ACSM4: variants seen among roughly 807,000 people sequenced by gnomAD.
ACSM4 encodes acyl-coenzyme A synthetase ACSM4, mitochondrial.
A neutral mutation model predicts 73.0 loss-of-function variants in ACSM4; 66 were observed. The ratio of observed to expected loss-of-function variants is 0.90; its 90% CI spans 0.74 to 1.11. The LOEUF is 1.11. Among genes scored for constraint, ACSM4 ranks in the 50% least tolerant of loss-of-function variants. The pLI is 0.00. For missense variants in ACSM4, 645 were observed against 714.4 expected (o/e 0.90, Z 1.11); for synonymous variants, 222 against 254.0 (o/e 0.87, Z 1.20).
intron 3 of ACSM4, among the ~76,000 whole-genome samples, chr12:7,314,407 A>G (rs1946406762): frequency 6.6e-6 from 1 of 152,204 alleles, no homozygotes; most frequent in Non-Finnish European, 1.5e-5. Flanking sequence ...CATAACTCGG[A>G]ACTCAGGTAT....
intron 12 of ACSM4, 127 bp from the exon 13 acceptor site, chr12:7,328,160 A>G (rs150894132): frequency 5.7e-5 from 36 of 635,972 alleles, no homozygotes; most frequent in African/African-American, 5.1e-4. Context: ...ATGAAATTCA[A>G]TGAGCTTAGG....
At chr12:7,324,753 A>G (rs1946491442) in intron 11 of ACSM4, among the ~76,000 whole-genome samples, 155 bp downstream of exon 11, 1 of 152,176 alleles carries the variant, frequency 6.6e-6, no homozygotes, top group Admixed American at 6.5e-5. Context: ...CAACTTTACA[A>G]TAAGTTGTGT....
chr12:7,310,467 C>T (rs911401044), intron 2 of ACSM4, 72 bp from the exon 3 acceptor site: 28 of 1,426,964 alleles, frequency 2.0e-5, no homozygotes, highest in Middle Eastern at 4.8e-4. Context: ...TTCTCCTCAC[C>T]GAGGCACAAA....
chr12:7,307,482 C>T (rs1220499344), intron 2 of ACSM4, among the ~76,000 whole-genome samples: 1 of 152,036 alleles, frequency 6.6e-6, no homozygotes, highest in African/African-American at 2.4e-5. Flanking sequence ...AAAAAAGATA[C>T]AACAAGAAGA....
intron 8 of ACSM4, 38 bp from the exon 9 acceptor site, chr12:7,323,421 G>T (rs1323569900): frequency 5.6e-6 from 9 of 1,608,542 alleles, no homozygotes; most frequent in African/African-American, 1.3e-5. Context: ...TTTGTGAAAA[G>T]AAAATTTTAA....
At position 7,318,067 on chromosome 12, in the gene ACSM4, T is replaced by C; in HGVS notation, c.806T>C (p.Met269Thr). Reference protein sequence around the residue: ...DLKSSDIIWNMSDTGWVKAAI... With the variant: ...DLKSSDIIWNTSDTGWVKAAI... ...AAGTCCTCAGATATCATATGGAATA[T>C]GTCTGACACGGGCTGGGTCAAGGCC... The change falls in exon 5 of 13, where the codon ATG becomes ACG. Residue 269 changes from methionine (M) to threonine (T), a missense_variant. Transcript: ENST00000399422. The C allele has an allele frequency of 6.2e-7, 1 of 1,613,832 alleles. No individual in the cohort carries two copies. Among genetic ancestry groups the C allele is most frequent in the Non-Finnish European group, 8.5e-7 (1 of 1,179,810 alleles).
chr12:7,317,049 A>T, intron 3 of ACSM4, 88 bp from the exon 4 acceptor site: 1 of 1,438,618 alleles, frequency 7.0e-7, no homozygotes, highest in South Asian at 1.5e-5. Flanking sequence ...TCTGGTAGCA[A>T]GAGGGCATAA....
Position 7,324,610 on chromosome 12 carries a change from T to A in ACSM4, c.1536+12T>A. The A allele has an allele frequency of 6.2e-7, 1 of 1,612,734 alleles. No homozygotes were observed. ...AAATCCGCGGAGAGGTAGATGAATG[T>A]CATTTATTAAAGAAGCAACATCATA... On this transcript the variant is annotated intron_variant, in intron 11 of 12. Coordinates refer to ENST00000399422, the MANE Select transcript of ACSM4 (RefSeq NM_001080454.2).
At chr12:7,309,268 C>A (rs1480538872) in intron 2 of ACSM4, among the ~76,000 whole-genome samples, 1 of 152,140 alleles carries the variant, frequency 6.6e-6, no homozygotes, top group African/African-American at 2.4e-5. Context: ...CACTGGAATC[C>A]ATAGAGAAGA....
At chr12:7,323,416 G>A (rs1486975974) in intron 8 of ACSM4, 43 bp from the exon 9 acceptor site, 1 of 1,606,700 alleles carries the variant, frequency 6.2e-7, no homozygotes, top group African/African-American at 1.3e-5. Context: ...TCATTTTTGT[G>A]AAAAGAAAAT....
chr12:7,322,544 A>T lies in ACSM4; in HGVS notation c.1125+3A>T. 6.2e-7 allele frequency: 1 copy of T among 1,612,848 alleles called. No homozygotes were observed. Among genetic ancestry groups the T allele is most frequent in the South Asian group, 1.1e-5 (1 of 90,908 alleles). On this transcript the variant is annotated splice_donor_region_variant and intron_variant, in intron 7 of 12. Transcript: ENST00000399422. ...AGGGCTATGGACAGACGGAAGTGGT[A>T]TATCTAAAGGGCATTTATGTTTAGT...
chr12:7,321,679 G>A (rs948784552), intron 6 of ACSM4, among the ~76,000 whole-genome samples: 25 of 152,222 alleles, frequency 1.6e-4, no homozygotes, highest in Admixed American at 1.6e-3. Context: ...CAGTGTATGA[G>A]AAGCAGGCTG....
chr12:7,317,333 A>G lies in ACSM4; in HGVS notation c.764+53A>G. On this transcript the variant is annotated intron_variant, in intron 4 of 12. Coordinates refer to ENST00000399422, the MANE Select transcript of ACSM4 (RefSeq NM_001080454.2). The stretch of plus-strand genomic sequence containing the variant: ...GGTGAACTCCCCCAAAGCTGCGAAT[A>G]TGCGTATCCAACTAACTGATACTTC... The G allele has an allele frequency of 3.3e-6, 5 of 1,502,594 alleles. No individual in the cohort carries two copies. The South Asian group carries it at 5.3e-5, about 16-fold the overall frequency. The allele number at this position is 1,502,594 out of a possible 1,614,324, so 93.1% of individuals were successfully genotyped here. A position where few individuals can be genotyped will look rare whatever the true frequency, so the allele number is the denominator to read the frequency against.
In ACSM4 at chr12:7,306,675, A is replaced by AAT; in HGVS notation, c.344_345insAT (p.Asp115GlufsTer6). ...AAGCCCTGTGGCCTGCAGAGAGGAGACCGTTTGGCCGTGATTCTGCCCAGA... is the reference window on the plus strand; with the variant it reads ...AAGCCCTGTGGCCTGCAGAGAGGAGAATCCGTTTGGCCGTGATTCTGCCCAGA... On this transcript the variant is annotated frameshift_variant, in exon 2 of 13. Transcript: ENST00000399422. LOFTEE classifies it high-confidence loss of function. The AAT allele has an allele frequency of 6.2e-7, 1 of 1,611,430 alleles. No individual in the cohort carries two copies. Among genetic ancestry groups the AAT allele is most frequent in the Non-Finnish European group, 8.5e-7 (1 of 1,178,956 alleles).
chr12:7,317,944 A>G, intron 4 of ACSM4, 82 bp from the exon 5 acceptor site: 1 of 1,476,452 alleles, frequency 6.8e-7, no homozygotes, highest in Non-Finnish European at 9.2e-7. Context: ...ATATAGGGGC[A>G]AAGTCACCCC....
In ACSM4 at chr12:7,328,602, G is replaced by C; in HGVS notation, c.*229G>C. The C allele has an allele frequency of 3.3e-6, 1 of 306,276 alleles. No homozygotes were observed. The highest frequency in any genetic ancestry group is 5.0e-5 in the Admixed American group (1 of 20,008). The allele number at this position is 306,276 out of a possible 1,614,324, so 19.0% of individuals were successfully genotyped here. A position where few individuals can be genotyped will look rare whatever the true frequency, so the allele number is the denominator to read the frequency against. On this transcript the variant is annotated 3_prime_UTR_variant, in exon 13 of 13. Coordinates refer to ENST00000399422, the MANE Select transcript of ACSM4 (RefSeq NM_001080454.2). ...TGACCAAACTGACAAAGGTAATGAT[G>C]ATGATTTGTAGTGTTTAAAATAGCA...
chr12:7,310,672 T>C lies in ACSM4; in HGVS notation c.546T>C (p.Cys182=), dbSNP rs1017993268. The C allele has an allele frequency of 5.6e-6, 9 of 1,613,540 alleles. No homozygotes were observed. The Admixed American group carries it at 1.5e-4, about 27-fold the overall frequency. The change falls in exon 3 of 13, where the codon TGT becomes TGC. Residue 182 remains cysteine (C), a synonymous_variant. Coordinates refer to ENST00000399422, the MANE Select transcript of ACSM4 (RefSeq NM_001080454.2). ...APAVESIVLE[C]PDLKTKLLVS... is the part of the protein sequence containing the mutation. The stretch of plus-strand genomic sequence containing the variant: ...CGGTGGAGTCCATTGTATTGGAGTG[T>C]CCTGACCTTAAGACAAAACTCCTGG...
In ACSM4 at chr12:7,306,468, T is replaced by C. The variant is rs1946362560; in HGVS notation, c.202-65T>C. ...AGTGCCAAAGGGGGAAAACAGCAGATGCCGCATGTAAGAGTAATCAGTCAT... is the reference window on the plus strand; with the variant it reads ...AGTGCCAAAGGGGGAAAACAGCAGACGCCGCATGTAAGAGTAATCAGTCAT... On this transcript the variant is annotated intron_variant, in intron 1 of 12. Coordinates refer to ENST00000399422, the MANE Select transcript of ACSM4 (RefSeq NM_001080454.2). 44 of 1,452,726 alleles carry C rather than the reference T, an allele frequency of 3.0e-5. 1 individual carries two copies. The South Asian group carries it at 5.5e-4, about 18-fold the overall frequency. 90.0% of individuals were successfully genotyped at this position (1,452,726 alleles called of 1,614,324 possible). A position where few individuals can be genotyped will look rare whatever the true frequency, so the allele number is the denominator to read the frequency against.
At chr12:7,312,482 G>A (rs972832987) in intron 3 of ACSM4, among the ~76,000 whole-genome samples, 1 of 152,166 alleles carries the variant, frequency 6.6e-6, no homozygotes, top group Non-Finnish European at 1.5e-5. Flanking sequence ...TTTATAGAAA[G>A]AGAAGACATG....
Sources: allele counts gnomAD v4.1 joint callset (sites outside exome capture counted in the v4.1 genomes callset), GRCh38; gene constraint gnomAD v4.1.1; transcripts MANE v1.5; gene names NCBI Gene and HGNC (gene_info 2026-07-23, HGNC 2026-07-21).